Variants in BRINP1 observed in about 807,000 individuals in gnomAD.
The protein encoded by BRINP1 is BMP/retinoic acid inducible neural specific 1, also known as BMP/retinoic acid-inducible neural-specific protein 1.
Under a neutral mutation model 72.9 loss-of-function variants are expected in BRINP1, and 17 were observed. The observed-to-expected ratio is 0.23, with a 90% CI of 0.16 to 0.35. The LOEUF is 0.35. Among genes scored for constraint, BRINP1 ranks in the 10% least tolerant of loss-of-function variants. The probability of loss-of-function intolerance (pLI) is 1.00; values close to 1 mark genes in which losing one functional copy is unlikely to be tolerated. For missense variants in BRINP1, 850 were observed against 1,001.6 expected (o/e 0.85, Z 2.04); for synonymous variants, 418 against 378.5 (o/e 1.10, Z -1.21).
At chr9:119,186,219 T>A (rs1411601461) in intron 7 of BRINP1, among the ~76,000 whole-genome samples, 1 of 152,180 alleles carries the variant, frequency 6.6e-6, no homozygotes, top group African/African-American at 2.4e-5. Context: ...GTCCCCTCAT[T>A]GCCTAAACCA....
intron 5 of BRINP1, among the ~76,000 whole-genome samples, chr9:119,219,610 A>G (rs1263121002): frequency 6.6e-6 from 1 of 151,016 alleles, no homozygotes; most frequent in East Asian, 1.9e-4. Flanking sequence ...TGAATGAGGC[A>G]GACAACTCCC....
At chr9:119,337,394 C>T (rs1291028395) in intron 1 of BRINP1, among the ~76,000 whole-genome samples, 1 of 152,188 alleles carries the variant, frequency 6.6e-6, no homozygotes, top group African/African-American at 2.4e-5. Flanking sequence ...GCTGCTGGGT[C>T]ACTTGTTTCA....
At chr9:119,226,316 C>A (rs1313944781) in intron 5 of BRINP1, among the ~76,000 whole-genome samples, 1 of 152,036 alleles carries the variant, frequency 6.6e-6, no homozygotes, top group Non-Finnish European at 1.5e-5. Context: ...CATTTCTGCA[C>A]AATCAATGAG....
intron 5 of BRINP1, among the ~76,000 whole-genome samples, chr9:119,231,806 C>T (rs1184862538): frequency 6.6e-6 from 1 of 152,044 alleles, no homozygotes; most frequent in Non-Finnish European, 1.5e-5. Context: ...TCTTGTTCCT[C>T]ATCATCATTC....
At chr9:119,254,188 AG>A (rs1830422960) in intron 2 of BRINP1, among the ~76,000 whole-genome samples, 2 of 152,230 alleles carry the variant, frequency 1.3e-5, no homozygotes, top group Non-Finnish European at 2.9e-5. Flanking sequence ...CTTGCTCTCA[AG>A]GGGCATACAT....
intron 1 of BRINP1, among the ~76,000 whole-genome samples, chr9:119,364,922 T>C (rs578262150): frequency 1.4e-3 from 216 of 152,342 alleles, no homozygotes; most frequent in Non-Finnish European, 2.5e-3. Context: ...CATGAAGCAA[T>C]TGTTAGCTAG....
chr9:119,321,130 A>G (rs556761753), intron 1 of BRINP1, among the ~76,000 whole-genome samples: 10 of 152,168 alleles, frequency 6.6e-5, no homozygotes, highest in African/African-American at 2.2e-4. Context: ...ACAGGGTTTC[A>G]CCGTGTTAGC....
intron 7 of BRINP1, among the ~76,000 whole-genome samples, chr9:119,205,112 C>T (rs759411207): frequency 2.0e-5 from 3 of 152,110 alleles, no homozygotes; most frequent in Non-Finnish European, 4.4e-5. Flanking sequence ...CTGCTCCATG[C>T]CAGAGAGGTG....
chr9:119,186,754 G>A (rs1163135618), intron 7 of BRINP1, among the ~76,000 whole-genome samples: 1 of 152,154 alleles, frequency 6.6e-6, no homozygotes, highest in Non-Finnish European at 1.5e-5. Flanking sequence ...TACCTCCAAT[G>A]CGCAGTAAAG....
intron 1 of BRINP1, among the ~76,000 whole-genome samples, chr9:119,322,145 C>G (rs888883332): frequency 6.6e-6 from 1 of 152,222 alleles, no homozygotes; most frequent in African/African-American, 2.4e-5. Flanking sequence ...TCTTGAATAT[C>G]TACTACTATG....
intron 2 of BRINP1, among the ~76,000 whole-genome samples, chr9:119,283,652 C>A (rs1172657812): frequency 6.6e-6 from 1 of 152,204 alleles, no homozygotes; most frequent in East Asian, 1.9e-4. Flanking sequence ...CTTGCCTCAG[C>A]CTCCTGAGTA....
chr9:119,234,005 T>G (rs990840866), intron 5 of BRINP1, among the ~76,000 whole-genome samples: 15 of 152,336 alleles, frequency 9.8e-5, no homozygotes, highest in African/African-American at 3.6e-4. Context: ...TATAGTAAGC[T>G]CATTGTATGA....
chr9:119,223,941 TATAG>T lies in BRINP1; in HGVS notation c.686-9790_686-9787del, dbSNP rs146091451. 9.5e-3 allele frequency among the ~76,000 whole-genome samples: 1,444 copies of T among 152,256 alleles called. 25 individuals carry two copies. The highest frequency in any genetic ancestry group is 0.033 in the African/African-American group (1,384 of 41,560). The stretch of plus-strand genomic sequence containing the variant: ...AAATAATTTGTTATGGATCCATTGC[TATAG>T]ATTATGATTCTTGAGGACAATAACT... On this transcript the variant is annotated intron_variant, in intron 5 of 7. Coordinates refer to ENST00000265922, the MANE Select transcript of BRINP1 (RefSeq NM_014618.3).
intron 1 of BRINP1, among the ~76,000 whole-genome samples, chr9:119,318,362 G>T (rs1453368755): frequency 1.3e-5 from 2 of 152,174 alleles, no homozygotes; most frequent in Non-Finnish European, 2.9e-5. Context: ...AGAGAAATGT[G>T]ATTTATTGCC....
chr9:119,272,946 A>G (rs1394585055), intron 2 of BRINP1, among the ~76,000 whole-genome samples: 1 of 152,148 alleles, frequency 6.6e-6, no homozygotes, highest in African/African-American at 2.4e-5. Flanking sequence ...CCTGGGAGAA[A>G]GTACACATAG....
intron 7 of BRINP1, among the ~76,000 whole-genome samples, chr9:119,181,120 C>T (rs910475478): frequency 6.6e-6 from 1 of 152,132 alleles, no homozygotes; most frequent in Non-Finnish European, 1.5e-5. Flanking sequence ...AAGGAAGGCG[C>T]CCGGAGCTTC....
At chr9:119,214,739 A>T (rs1200026163) in intron 5 of BRINP1, among the ~76,000 whole-genome samples, 1 of 152,222 alleles carries the variant, frequency 6.6e-6, no homozygotes, top group East Asian at 1.9e-4. Context: ...GACTGCAAAT[A>T]ACATTGTTTA....
intron 1 of BRINP1, among the ~76,000 whole-genome samples, chr9:119,338,001 TG>T (rs1831364513): frequency 1.3e-5 from 2 of 152,194 alleles, no homozygotes. Context: ...CAGGTAGCCT[TG>T]GGCAAGTTAC....
At position 119,244,515 on chromosome 9, in the gene BRINP1, G is replaced by A. The variant is rs376693574; in HGVS notation, c.410-2299C>T. ...GAGTGGATGGGTGTATAGATGAACA[G>A]ACAGCTGAGTGGAAAGGTAAAAGTT... On this transcript the variant is annotated intron_variant, in intron 3 of 7. Transcript: ENST00000265922. Among the ~76,000 whole-genome samples, 12 of 152,274 alleles carry A rather than the reference G, an allele frequency of 7.9e-5. No individual in the cohort carries two copies. In the East Asian group the frequency reaches 1.9e-3, roughly 25 times the overall value.
Sources: allele counts gnomAD v4.1 joint callset (sites outside exome capture counted in the v4.1 genomes callset), GRCh38; gene constraint gnomAD v4.1.1; transcripts MANE v1.5; gene names NCBI Gene and HGNC (gene_info 2026-07-23, HGNC 2026-07-21).